The following CSRP3 variants were observed in gnomAD, a reference collection of about 807,000 sequenced individuals.
CSRP3 encodes cysteine and glycine rich protein 3.
A neutral mutation model predicts 24.3 loss-of-function variants in CSRP3; 24 were observed. The ratio of observed to expected loss-of-function variants is 0.99; its 90% CI spans 0.71 to 1.39. The LOEUF (loss-of-function observed/expected upper bound fraction) is 1.39, where lower values mean the gene tolerates loss of function less well. Among genes scored for constraint, CSRP3 ranks in the 40% most tolerant of loss-of-function variants. The pLI is 0.00. For missense variants in CSRP3, 240 were observed against 249.0 expected, an observed-to-expected ratio of 0.96 and a Z score of 0.24; for synonymous variants, 105 against 94.0, an observed-to-expected ratio of 1.12 and a Z score of -0.68.
chr11:19,190,645 A>G (rs546760596), intron 2 of CSRP3, among the ~76,000 whole-genome samples: 34 of 152,326 alleles, frequency 2.2e-4, no homozygotes, highest in African/African-American at 7.9e-4. Flanking sequence ...AATTGTGAAG[A>G]TTTATCTAGA....
chr11:19,185,050 G>A lies in CSRP3; in HGVS notation c.415-5C>T, dbSNP rs1165956410. 6.2e-7 allele frequency: 1 copy of A among 1,611,870 alleles called. No individual in the cohort carries two copies. On this transcript the variant is annotated splice_polypyrimidine_tract_variant and splice_region_variant and intron_variant, in intron 4 of 5. Transcript: ENST00000265968. ...GAAACAGGTCTTGTGCCAAGGCTGA[G>A]GGGCACAGAAAAGTTGCATATTTAA...
chr11:19,200,538 T>G (rs952102149), intron 1 of CSRP3, among the ~76,000 whole-genome samples: 1 of 152,224 alleles, frequency 6.6e-6, no homozygotes, highest in African/African-American at 2.4e-5. Flanking sequence ...CCCCTTGCCC[T>G]GTGTCTCCTG....
At chr11:19,182,833 T>A in intron 5 of CSRP3, 87 bp from the exon 6 acceptor site, 1 of 940,298 alleles carries the variant, frequency 1.1e-6, no homozygotes, top group Non-Finnish European at 1.8e-6. Context: ...ACAGTCCTTT[T>A]AATTATTAGA....
intron 3 of CSRP3, 33 bp from the exon 4 acceptor site, chr11:19,186,381 A>C (rs1850527234): frequency 6.2e-7 from 1 of 1,614,004 alleles, no homozygotes; most frequent in African/African-American, 1.3e-5. Context: ...TGAAACGTAG[A>C]TTTCCCTTGG....
At chr11:19,199,950 C>G (rs1048110454) in intron 1 of CSRP3, among the ~76,000 whole-genome samples, 3 of 152,248 alleles carry the variant, frequency 2.0e-5, no homozygotes, top group African/African-American at 7.2e-5. Flanking sequence ...CTGTCTGCCT[C>G]AAGACTTGTA....
At chr11:19,184,661 G>C (rs901348629) in intron 5 of CSRP3, among the ~76,000 whole-genome samples, 7 of 152,208 alleles carry the variant, frequency 4.6e-5, no homozygotes, top group African/African-American at 1.7e-4. Flanking sequence ...GCAGGGCACT[G>C]TTTCCTCCTC....
chr11:19,182,605 A>G lies in CSRP3; in HGVS notation c.*65T>C. ...AGAGGCTATTTGGGGAAAGGTATCG[A>G]TCTGTGCAGGATTACTTGGCAAGTG... On this transcript the variant is annotated 3_prime_UTR_variant, in exon 6 of 6. Coordinates refer to ENST00000265968, the MANE Select transcript of CSRP3 (RefSeq NM_003476.5). 6 of 1,283,768 alleles carry G rather than the reference A, an allele frequency of 4.7e-6. No homozygotes were observed. Among genetic ancestry groups the G allele is most frequent in the Non-Finnish European group, 5.7e-6 (5 of 878,298 alleles). 79.5% of individuals were successfully genotyped at this position (1,283,768 alleles called of 1,614,324 possible).
At chr11:19,200,783 C>T (rs944662021) in intron 1 of CSRP3, among the ~76,000 whole-genome samples, 2 of 152,120 alleles carry the variant, frequency 1.3e-5, no homozygotes, top group African/African-American at 4.8e-5. Context: ...TTGTATGTAC[C>T]CAGCATTGAG....
At chr11:19,197,576 TTC>T (rs1491083622) in intron 1 of CSRP3, among the ~76,000 whole-genome samples, 20 of 140,212 alleles carry the variant, frequency 1.4e-4, no homozygotes, top group African/African-American at 5.1e-4. Flanking sequence ...TCTTTCTTTC[TTC>T]TTTCACTACC....
chr11:19,187,783 G>A (rs1175983505), intron 3 of CSRP3, among the ~76,000 whole-genome samples: 5 of 152,176 alleles, frequency 3.3e-5, no homozygotes, highest in Admixed American at 2.6e-4. Flanking sequence ...TTGCTGCCCT[G>A]CCATATTTGT....
At chr11:19,197,515 CTTT>C (rs1181172662) in intron 1 of CSRP3, among the ~76,000 whole-genome samples, 19 of 112,548 alleles carry the variant, frequency 1.7e-4, no homozygotes, top group African/African-American at 5.1e-4. Flanking sequence ...TTCTTTCTTT[CTTT>C]CTTTCTTTCT....
chr11:19,186,215 C>T lies in CSRP3; in HGVS notation c.414+1G>A. ...TGTCTGGCTCATACAGAAGGTCTTA[C>T]CTTGCCACCTCCCATAACCTTCTCA... On this transcript the variant is annotated splice_donor_variant, in intron 4 of 5. Coordinates refer to ENST00000265968, the MANE Select transcript of CSRP3 (RefSeq NM_003476.5). LOFTEE classifies it high-confidence loss of function. 6.2e-7 allele frequency: 1 copy of T among 1,614,184 alleles called. No homozygotes were observed. Among genetic ancestry groups the T allele is most frequent in the Non-Finnish European group, 8.5e-7 (1 of 1,180,034 alleles).
intron 5 of CSRP3, among the ~76,000 whole-genome samples, chr11:19,183,394 G>C (rs1850470716): frequency 1.3e-5 from 2 of 152,134 alleles, no homozygotes; most frequent in Admixed American, 1.3e-4. Context: ...TACCTGGAAT[G>C]AACCATGATG....
chr11:19,196,275 A>C (rs1248988883), intron 1 of CSRP3, among the ~76,000 whole-genome samples: 1 of 152,156 alleles, frequency 6.6e-6, no homozygotes, highest in Non-Finnish European at 1.5e-5. Flanking sequence ...AAATAAGTAA[A>C]TAAATAAATA....
At chr11:19,183,400 T>C (rs1314961582) in intron 5 of CSRP3, among the ~76,000 whole-genome samples, 1 of 152,040 alleles carries the variant, frequency 6.6e-6, no homozygotes, top group East Asian at 1.9e-4. Flanking sequence ...GAATGAACCA[T>C]GATGTCCCAG....
intron 5 of CSRP3, 71 bp from the exon 6 acceptor site, chr11:19,182,817 C>T: frequency 9.6e-7 from 1 of 1,037,492 alleles, no homozygotes; most frequent in Non-Finnish European, 1.5e-6. Context: ...GGCTTTCTGT[C>T]TGAGCACAGT....
chr11:19,201,884 C>G (rs1658323154), intron 1 of CSRP3, 70 bp downstream of exon 1: 2 of 152,322 alleles, frequency 1.3e-5, no homozygotes, highest in Non-Finnish European at 2.9e-5. Context: ...CTCTATGGGA[C>G]CCTTTATAGT....
At chr11:19,200,349 C>T (rs1185433435) in intron 1 of CSRP3, among the ~76,000 whole-genome samples, 1 of 152,154 alleles carries the variant, frequency 6.6e-6, no homozygotes, top group Non-Finnish European at 1.5e-5. Context: ...TCTTGAATAT[C>T]CCAGGATTTC....
chr11:19,188,238 A>G lies in CSRP3; in HGVS notation c.179T>C (p.Val60Ala). Residue 60 changes from valine (V) to alanine (A), a missense_variant, in exon 3 of 6, where the codon GTG (valine) becomes GCG (alanine). By Grantham distance (64) the Val-to-Ala change is moderately conservative. Coordinates refer to ENST00000265968, the MANE Select transcript of CSRP3 (RefSeq NM_003476.5). Reference protein sequence around the residue: ...AAHESEIYCKVCYGRRYGPKG... With the variant: ...AAHESEIYCKACYGRRYGPKG... ...GGGGCCATATCTGCGCCCATAGCAC[A>G]CCTTGCAGTAGATCTCCGACTCATG... 6.2e-7 allele frequency: 1 copy of G among 1,613,426 alleles called. No homozygotes were observed. The highest frequency in any genetic ancestry group is 8.5e-7 in the Non-Finnish European group (1 of 1,180,028).
Sources: gnomAD v4.1 joint callset for allele counts (sites outside exome capture counted in the v4.1 genomes callset) on GRCh38, gnomAD v4.1.1 for gene constraint, MANE v1.5 for transcripts, NCBI Gene and HGNC (gene_info 2026-07-23, HGNC 2026-07-21) for gene names.